Variants in PALS2 observed in about 807,000 individuals in gnomAD.
PALS2 encodes the protein protein PALS2.
A neutral mutation model predicts 61.6 loss-of-function variants in PALS2; 27 were observed. The ratio of observed to expected loss-of-function variants is 0.44; its 90% CI spans 0.32 to 0.60. The LOEUF (loss-of-function observed/expected upper bound fraction) is 0.60, where lower values mean the gene tolerates loss of function less well. Among genes scored for constraint, PALS2 ranks in the 20% least tolerant of loss-of-function variants. The pLI, the probability that PALS2 is intolerant of heterozygous loss-of-function variation, is 0.05. For synonymous variants in PALS2, 236 were observed against 218.6 expected (o/e 1.08, Z -0.70); for missense variants, 554 against 639.4 (o/e 0.87, Z 1.44).
intron 2 of PALS2, among the ~76,000 whole-genome samples, chr7:24,639,774 A>T (rs906084408): frequency 6.6e-6 from 1 of 150,540 alleles, no homozygotes; most frequent in Non-Finnish European, 1.5e-5. Context: ...GAAAATTACA[A>T]ATTTACCCGT....
At chr7:24,666,156 C>A in intron 8 of PALS2, 67 bp downstream of exon 8, 1 of 1,382,996 alleles carries the variant, frequency 7.2e-7, no homozygotes, top group Non-Finnish European at 1.0e-6. Context: ...GTGGCATAAA[C>A]TCTGAATATA....
At chr7:24,575,988 T>A (rs1260800876) in intron 1 of PALS2, among the ~76,000 whole-genome samples, 1 of 152,184 alleles carries the variant, frequency 6.6e-6, no homozygotes, top group Non-Finnish European at 1.5e-5. Context: ...AGAACTCTAC[T>A]TCAGGTAAGT....
intron 2 of PALS2, among the ~76,000 whole-genome samples, chr7:24,639,405 T>TACACACACAC (rs10607962): frequency 3.1e-4 from 46 of 148,660 alleles, no homozygotes; most frequent in African/African-American, 9.6e-4. Flanking sequence ...CTTTGCTGAA[T>TACACACACAC]ACACACACAC....
intron 11 of PALS2, among the ~76,000 whole-genome samples, chr7:24,682,061 T>C (rs1787964656): frequency 6.6e-6 from 1 of 152,198 alleles, no homozygotes; most frequent in Non-Finnish European, 1.5e-5. Flanking sequence ...CCAGACATTG[T>C]GAGCTTTGTT....
intron 2 of PALS2, among the ~76,000 whole-genome samples, chr7:24,629,822 G>A (rs1376791594): frequency 1.3e-5 from 2 of 152,148 alleles, no homozygotes. Flanking sequence ...AAAAAGTCTG[G>A]AAACAACAGA....
intron 11 of PALS2, among the ~76,000 whole-genome samples, chr7:24,684,396 G>C (rs1400170620): frequency 6.6e-6 from 1 of 152,170 alleles, no homozygotes; most frequent in Non-Finnish European, 1.5e-5. Context: ...TTAAATTGTT[G>C]TGTCTTCAGC....
intron 5 of PALS2, among the ~76,000 whole-genome samples, chr7:24,655,592 T>C (rs1786372372): frequency 6.6e-6 from 1 of 151,768 alleles, no homozygotes; most frequent in African/African-American, 2.4e-5. Flanking sequence ...TTAAGAATTA[T>C]GATTAGTATA....
chr7:24,628,958 A>G (rs373434260), intron 2 of PALS2, among the ~76,000 whole-genome samples: 2 of 152,208 alleles, frequency 1.3e-5, no homozygotes, highest in Admixed American at 1.3e-4. Flanking sequence ...TCAAGCTACC[A>G]TTGACTTTCT....
chr7:24,638,033 G>A (rs1785325707), intron 2 of PALS2, among the ~76,000 whole-genome samples: 1 of 151,996 alleles, frequency 6.6e-6, no homozygotes, highest in Non-Finnish European at 1.5e-5. Flanking sequence ...TTTTTTGTGT[G>A]TGTTTCCTTT....
At position 24,693,566 on chromosome 7, in the gene PALS2, T is replaced by C. The variant is rs1788573255; in HGVS notation, c.*5952T>C. The C allele has an allele frequency of 6.6e-6, 1 of 152,178 alleles. No homozygotes were observed. The highest frequency in any genetic ancestry group is 6.5e-5 in the Admixed American group (1 of 15,272). The allele number at this position is 152,178 out of a possible 1,614,324, so 9.4% of individuals were successfully genotyped here. On this transcript the variant is annotated 3_prime_UTR_variant, in exon 12 of 12. Coordinates refer to ENST00000222644, the MANE Select transcript of PALS2 (RefSeq NM_001303037.2). ...CATTGCTTTAAAGACATAAAGCTTGTCCTGGTAAACATGGTCTAAATGAGA... is the reference window on the plus strand; with the variant it reads ...CATTGCTTTAAAGACATAAAGCTTGCCCTGGTAAACATGGTCTAAATGAGA...
chr7:24,628,493 A>G (rs1488780388), intron 2 of PALS2, among the ~76,000 whole-genome samples: 5 of 152,230 alleles, frequency 3.3e-5, no homozygotes, highest in Admixed American at 3.3e-4. Flanking sequence ...TATTCAACGT[A>G]GTATTGGAAG....
chr7:24,622,813 G>T lies in PALS2; in HGVS notation c.-2-853G>T, dbSNP rs143126837. 7.1e-3 allele frequency among the ~76,000 whole-genome samples: 1,075 copies of T among 151,270 alleles called. 37 individuals carry two copies. Among genetic ancestry groups the T allele is most frequent in the Admixed American group, 0.062 (938 of 15,184 alleles). ...AGCACCATTAAGTATGATATTAGCT[G>T]TGGGTTTTTCATAGAAGCCTTTTAT... is the stretch of plus-strand genomic sequence containing the variant. On this transcript the variant is annotated intron_variant, in intron 1 of 11. Transcript: ENST00000222644.
intron 2 of PALS2, among the ~76,000 whole-genome samples, chr7:24,634,366 G>A (rs1427245237): frequency 6.6e-6 from 1 of 152,142 alleles, no homozygotes; most frequent in African/African-American, 2.4e-5. Flanking sequence ...GAGTAGCTGG[G>A]ACTACAGGCG....
intron 1 of PALS2, among the ~76,000 whole-genome samples, chr7:24,617,003 A>G (rs1030777033): frequency 6.6e-6 from 1 of 152,150 alleles, no homozygotes; most frequent in African/African-American, 2.4e-5. Context: ...AATATTTCCT[A>G]TGATATTTCC....
Position 24,655,630 on chromosome 7 carries a change from A to ATTT in PALS2, c.651+4940_651+4942dup, listed in dbSNP as rs770410952. 3.5e-3 allele frequency among the ~76,000 whole-genome samples: 336 copies of ATTT among 96,912 alleles called. 7 individuals carry two copies. The highest frequency in any genetic ancestry group is 0.013 in the East Asian group (38 of 2,938). 63.6% of individuals were successfully genotyped at this position (96,912 alleles called of 152,430 possible). ...TTTGGCCTAGGTTAGTAGTTAGTAG[A>ATTT]TTTTTTTTTTTTTTTTTTTTTTTTG... is the stretch of plus-strand genomic sequence containing the variant. On this transcript the variant is annotated intron_variant, in intron 5 of 11. Transcript: ENST00000222644.
At chr7:24,646,185 C>T (rs777428829) in intron 3 of PALS2, among the ~76,000 whole-genome samples, 1 of 152,140 alleles carries the variant, frequency 6.6e-6, no homozygotes, top group Non-Finnish European at 1.5e-5. Context: ...ACTTCTAATA[C>T]TATGTTGAAT....
chr7:24,619,920 TCTTAA>T (rs1784432267), intron 1 of PALS2: 3 of 152,066 alleles, frequency 2.0e-5, no homozygotes, highest in African/African-American at 7.2e-5. Context: ...CTGGCTCCTA[TCTTAA>T]CTTTGTAAGG....
chr7:24,681,182 C>G (rs1167440823), intron 11 of PALS2, among the ~76,000 whole-genome samples: 1 of 151,766 alleles, frequency 6.6e-6, no homozygotes, highest in Non-Finnish European at 1.5e-5. Context: ...GTGGGGTGTT[C>G]TGATGTTTAG....
intron 2 of PALS2, among the ~76,000 whole-genome samples, chr7:24,640,686 G>A (rs759435174): frequency 5.9e-5 from 9 of 152,038 alleles, no homozygotes; most frequent in Non-Finnish European, 1.2e-4. Context: ...CTTAACACTC[G>A]GCTTTACTCC....
Sources: gnomAD v4.1 joint callset for allele counts (sites outside exome capture counted in the v4.1 genomes callset) on GRCh38, gnomAD v4.1.1 for gene constraint, MANE v1.5 for transcripts, NCBI Gene and HGNC (gene_info 2026-07-23, HGNC 2026-07-21) for gene names.